Variants in EYS observed in about 807,000 individuals in gnomAD.
EYS encodes protein eyes shut homolog.
Under a neutral mutation model 282.1 loss-of-function variants are expected in EYS, and 250 were observed. That is an observed-to-expected ratio of 0.89 (90% CI 0.80 to 0.98). EYS has a LOEUF of 0.98. Among genes scored for constraint, EYS ranks in the 50% least tolerant of loss-of-function variants. EYS has a pLI of 0.00. For synonymous variants in EYS, 1,355 were observed against 1,282.9 expected, an observed-to-expected ratio of 1.06 and a Z score of -1.20; for missense variants, 4,016 against 3,709.0, an observed-to-expected ratio of 1.08 and a Z score of -2.15.
At chr6:64,657,723 A>T (rs1040918029) in intron 22 of EYS, among the ~76,000 whole-genome samples, 3 of 152,118 alleles carry the variant, frequency 2.0e-5, no homozygotes, top group Non-Finnish European at 2.9e-5. Flanking sequence ...CCGAGAGATC[A>T]GCTGTTAGTC....
At chr6:63,795,426 A>G (rs1008832130) in intron 37 of EYS, among the ~76,000 whole-genome samples, 1 of 152,222 alleles carries the variant, frequency 6.6e-6, no homozygotes, top group African/African-American at 2.4e-5. Flanking sequence ...AGAGCAAAGT[A>G]GTTGAGACAA....
At chr6:64,304,022 T>C (rs1262373882) in intron 30 of EYS, among the ~76,000 whole-genome samples, 1 of 152,184 alleles carries the variant, frequency 6.6e-6, no homozygotes, top group Admixed American at 6.5e-5. Flanking sequence ...ATGATTGCTC[T>C]CTACTCAGGG....
At chr6:64,660,771 A>G (rs2149887462) in intron 22 of EYS, among the ~76,000 whole-genome samples, 1 of 152,352 alleles carries the variant, frequency 6.6e-6, no homozygotes, top group East Asian at 1.9e-4. Context: ...TTCCACGCTC[A>G]TGGGTAAGAA....
rs1332884720 is a variant in EYS, at chr6:64,637,347, A to G, written c.3444-11102T>C. 1.3e-4 allele frequency among the ~76,000 whole-genome samples: 11 copies of G among 87,512 alleles called. 4 individuals carry two copies. The highest frequency in any genetic ancestry group is 2.5e-4 in the East Asian group (1 of 3,952). The allele number at this position is 87,512 out of a possible 152,430, so 57.4% of individuals were successfully genotyped here. On this transcript the variant is annotated intron_variant, in intron 22 of 42. Transcript: ENST00000503581. Reference sequence around the variant, plus strand: ...TCTCAGCAAACTATCGCAAGGACAAAAAAACAAACACCACATGTTCTCACT... The same window carrying G: ...TCTCAGCAAACTATCGCAAGGACAAGAAAACAAACACCACATGTTCTCACT...
intron 24 of EYS, among the ~76,000 whole-genome samples, chr6:64,616,760 C>T (rs946899085): frequency 6.6e-6 from 1 of 152,108 alleles, no homozygotes; most frequent in Non-Finnish European, 1.5e-5. Flanking sequence ...TACCCCATCT[C>T]TAATTATTTA....
chr6:65,484,731 C>A (rs892119801), intron 5 of EYS, among the ~76,000 whole-genome samples: 3 of 152,126 alleles, frequency 2.0e-5, no homozygotes, highest in African/African-American at 4.8e-5. Context: ...ATTGAGGCTA[C>A]TAGTTTTGTC....
chr6:65,225,605 T>C, intron 12 of EYS, among the ~76,000 whole-genome samples: 1 of 151,150 alleles, frequency 6.6e-6, no homozygotes, highest in East Asian at 1.9e-4. Context: ...TCCCAGCTAC[T>C]CGGGAGGCTG....
intron 33 of EYS, among the ~76,000 whole-genome samples, chr6:64,020,355 A>G (rs1374459990): frequency 6.6e-6 from 1 of 152,200 alleles, no homozygotes; most frequent in Non-Finnish European, 1.5e-5. Context: ...AATATATCAT[A>G]AAACCTTTTC....
chr6:63,825,474 G>C (rs1771434772), intron 36 of EYS, among the ~76,000 whole-genome samples: 1 of 152,202 alleles, frequency 6.6e-6, no homozygotes, highest in Non-Finnish European at 1.5e-5. Flanking sequence ...CAAAGCTAAG[G>C]ACCCTCACAG....
chr6:64,450,107 A>G (rs1775270391), intron 26 of EYS, among the ~76,000 whole-genome samples: 1 of 152,046 alleles, frequency 6.6e-6, no homozygotes, highest in Non-Finnish European at 1.5e-5. Context: ...GTATTCAGGA[A>G]ACCCATCTCG....
At chr6:65,056,835 AT>A (rs1464757210) in intron 13 of EYS, among the ~76,000 whole-genome samples, 6 of 152,098 alleles carry the variant, frequency 3.9e-5, no homozygotes, top group Non-Finnish European at 8.8e-5. Flanking sequence ...TTTAAATTAC[AT>A]TCAACTAAAT....
At chr6:64,009,285 ATTT>A (rs35899013) in intron 33 of EYS, among the ~76,000 whole-genome samples, 1 of 139,574 alleles carries the variant, frequency 7.2e-6, no homozygotes, top group Non-Finnish European at 1.6e-5. Flanking sequence ...GAAATTCTCG[ATTT>A]TTTTTTTTTT....
intron 36 of EYS, among the ~76,000 whole-genome samples, chr6:63,827,063 G>A (rs1426060992): frequency 6.6e-6 from 1 of 152,066 alleles, no homozygotes; most frequent in Non-Finnish European, 1.5e-5. Flanking sequence ...CTCACATAAA[G>A]TAAAGGGATG....
chr6:63,924,624 T>A (rs16894678), intron 35 of EYS, among the ~76,000 whole-genome samples: 1,610 of 152,310 alleles, frequency 0.011, 29 homozygotes, highest in African/African-American at 0.037. Flanking sequence ...CTTTGTAACC[T>A]AGGGGCAATC....
chr6:64,537,419 T>A (rs997962229), intron 26 of EYS, among the ~76,000 whole-genome samples: 2 of 152,124 alleles, frequency 1.3e-5, no homozygotes, highest in African/African-American at 2.4e-5. Context: ...GTTGGACATT[T>A]GGGTTGGTTC....
At chr6:64,945,768 A>C (rs1769266029) in intron 15 of EYS, 25 bp downstream of exon 15, 1 of 1,545,656 alleles carries the variant, frequency 6.5e-7, no homozygotes, top group Admixed American at 2.0e-5. Flanking sequence ...AATTTCATGA[A>C]GAAAGCTAAA....
At chr6:64,389,813 G>C (rs377256992) in intron 28 of EYS, among the ~76,000 whole-genome samples, 3 of 152,266 alleles carry the variant, frequency 2.0e-5, no homozygotes, top group Middle Eastern at 3.4e-3. Context: ...AGCTCCCAGC[G>C]TGAGCGACGC....
intron 15 of EYS, among the ~76,000 whole-genome samples, chr6:64,912,989 G>T (rs1768047962): frequency 6.6e-6 from 1 of 151,862 alleles, no homozygotes; most frequent in Admixed American, 6.6e-5. Context: ...TTCTAACATA[G>T]TTAGGCCTCT....
rs1309390153 is a variant in EYS at position 64,651,646 on chromosome 6, G to A, written c.3444-25401C>T. ...TGCCATTAGCCGAGACCGCGCCACC[G>A]CACTCCAGCGTGGTGACAGAGCGAG... On this transcript the variant is annotated intron_variant, in intron 22 of 42. Coordinates refer to ENST00000503581, the MANE Select transcript of EYS (RefSeq NM_001142800.2). 5.3e-5 allele frequency among the ~76,000 whole-genome samples: 8 copies of A among 152,026 alleles called. No individual in the cohort carries two copies. The East Asian group carries it at 5.8e-4, about 11-fold the overall frequency.
Sources: allele counts gnomAD v4.1 joint callset (sites outside exome capture counted in the v4.1 genomes callset), GRCh38; gene constraint gnomAD v4.1.1; transcripts MANE v1.5; gene names NCBI Gene and HGNC (gene_info 2026-07-23, HGNC 2026-07-21).